The following ADAMTS20 variants were observed in gnomAD, a reference collection of about 807,000 sequenced individuals.
The protein encoded by ADAMTS20 is ADAM metallopeptidase with thrombospondin type 1 motif 20, also known as A disintegrin and metalloproteinase with thrombospondin motifs 20.
Under a neutral mutation model 260.1 loss-of-function variants are expected in ADAMTS20, and 225 were observed. The observed-to-expected ratio is 0.87, with a 90% confidence interval of 0.78 to 0.97. ADAMTS20 has a LOEUF of 0.97. Ranked by LOEUF, ADAMTS20 falls within the 50% of genes least tolerant of loss-of-function variation. ADAMTS20 has a pLI of 0.00. For synonymous variants in ADAMTS20, 802 were observed against 769.5 expected, an observed-to-expected ratio of 1.04 and a Z score of -0.70; for missense variants, 2,400 against 2,337.7, an observed-to-expected ratio of 1.03 and a Z score of -0.55.
At chr12:43,504,068 A>G (rs1350098619) in intron 3 of ADAMTS20, among the ~76,000 whole-genome samples, 2 of 152,102 alleles carry the variant, frequency 1.3e-5, no homozygotes, top group Admixed American at 1.3e-4. Context: ...TCCTTTGGGT[A>G]TATGCCCAAT....
At chr12:43,510,165 G>A (rs568225018) in intron 3 of ADAMTS20, among the ~76,000 whole-genome samples, 1 of 152,054 alleles carries the variant, frequency 6.6e-6, no homozygotes, top group African/African-American at 2.4e-5. Flanking sequence ...AATATAAATG[G>A]TGTGTGTAGT....
chr12:43,398,970 G>T, intron 29 of ADAMTS20, 96 bp downstream of exon 29: 1 of 863,272 alleles, frequency 1.2e-6, no homozygotes, highest in South Asian at 5.5e-5. Context: ...ATAAATTTTA[G>T]AGAAGCAAAA....
chr12:43,521,838 A>T (rs1943076257), intron 3 of ADAMTS20, among the ~76,000 whole-genome samples: 1 of 152,076 alleles, frequency 6.6e-6, no homozygotes, highest in Admixed American at 6.6e-5. Context: ...TGATATAGTA[A>T]ATGGGTTACT....
intron 28 of ADAMTS20, among the ~76,000 whole-genome samples, chr12:43,411,132 T>C (rs1185657208): frequency 6.6e-6 from 1 of 152,210 alleles, no homozygotes; most frequent in Non-Finnish European, 1.5e-5. Context: ...ATTATTGTTG[T>C]TTACTCAGAT....
At chr12:43,530,266 T>A (rs1023889785) in intron 3 of ADAMTS20, among the ~76,000 whole-genome samples, 4 of 152,148 alleles carry the variant, frequency 2.6e-5, no homozygotes, top group African/African-American at 9.7e-5. Context: ...ATTCAGAATA[T>A]TACTTTGTGG....
intron 2 of ADAMTS20, among the ~76,000 whole-genome samples, chr12:43,537,911 C>T (rs1382770853): frequency 1.3e-5 from 2 of 152,168 alleles, no homozygotes; most frequent in African/African-American, 4.8e-5. Flanking sequence ...TTTATCTATT[C>T]ATCTGTTGAT....
chr12:43,360,230 C>T (rs1359074148), intron 37 of ADAMTS20, among the ~76,000 whole-genome samples: 1 of 152,186 alleles, frequency 6.6e-6, no homozygotes, highest in African/African-American at 2.4e-5. Flanking sequence ...GGATGTATCA[C>T]CTGAGGTCAG....
chr12:43,541,899 C>G (rs1257474903), intron 2 of ADAMTS20, among the ~76,000 whole-genome samples: 1 of 152,156 alleles, frequency 6.6e-6, no homozygotes, highest in African/African-American at 2.4e-5. Context: ...AAATACGTTG[C>G]TGGTACCTTA....
chr12:43,470,787 T>C (rs1248730202), intron 7 of ADAMTS20, among the ~76,000 whole-genome samples: 1 of 152,204 alleles, frequency 6.6e-6, no homozygotes, highest in Non-Finnish European at 1.5e-5. Flanking sequence ...ACATTTTGTG[T>C]TTATTATTAA....
intron 23 of ADAMTS20, 26 bp downstream of exon 23, chr12:43,430,326 T>A: frequency 6.3e-7 from 1 of 1,597,620 alleles, no homozygotes; most frequent in Non-Finnish European, 8.5e-7. Context: ...TAAATCTTTT[T>A]GTTTGTAAAC....
chr12:43,520,534 C>G (rs1943056945), intron 3 of ADAMTS20, among the ~76,000 whole-genome samples: 1 of 152,066 alleles, frequency 6.6e-6, no homozygotes, highest in East Asian at 1.9e-4. Context: ...TTAGGATAAG[C>G]TGATGGATAG....
intron 28 of ADAMTS20, among the ~76,000 whole-genome samples, chr12:43,402,742 C>T (rs1006186453): frequency 3.3e-5 from 5 of 151,964 alleles, no homozygotes; most frequent in Admixed American, 2.6e-4. Flanking sequence ...CATTTTATAA[C>T]TCTGACACCA....
rs1441367114 is a variant in ADAMTS20, at chr12:43,395,908, G to A, written c.4452+3158C>T. Among the ~76,000 whole-genome samples, 6 of 151,768 alleles carry A rather than the reference G, an allele frequency of 4.0e-5. No homozygotes were observed. The South Asian group carries it at 1.2e-3, about 32-fold the overall frequency. ...TTCCTAGAGATTGTGCATTTGGATG[G>A]CACTAAAGTAAGTAGATGGGACCTG... On this transcript the variant is annotated intron_variant, in intron 29 of 38. Coordinates refer to ENST00000389420, the MANE Select transcript of ADAMTS20 (RefSeq NM_025003.5).
At chr12:43,520,494 C>T (rs919439358) in intron 3 of ADAMTS20, among the ~76,000 whole-genome samples, 2 of 151,966 alleles carry the variant, frequency 1.3e-5, no homozygotes, top group African/African-American at 4.8e-5. Flanking sequence ...CAAAGTGTGC[C>T]AGTTAAGCCA....
intron 28 of ADAMTS20, chr12:43,423,932 G>A (rs1045171118): frequency 2.8e-6 from 2 of 709,826 alleles, no homozygotes; most frequent in African/African-American, 3.5e-5. Flanking sequence ...CTCCTATAAA[G>A]TTAAAATGTT....
At chr12:43,353,457 T>C (rs1939676176), downstream of ADAMTS20, among the ~76,000 whole-genome samples, 3 of 152,112 alleles carry the variant, frequency 2.0e-5, no homozygotes, top group East Asian at 3.9e-4. Context: ...ATTAACATTA[T>C]AAAAACAATG....
chr12:43,452,564 T>C lies in ADAMTS20; in HGVS notation c.1892A>G (p.Asp631Gly). The C allele has an allele frequency of 6.2e-7, 1 of 1,613,614 alleles. No homozygotes were observed. Among genetic ancestry groups the C allele is most frequent in the Non-Finnish European group, 8.5e-7 (1 of 1,179,708 alleles). Reference sequence around the variant, plus strand: ...CACATTAGAGGGAATGCCACTGATGTCCAAATGTTTACCATTAAAATCAGA... The same window carrying C: ...CACATTAGAGGGAATGCCACTGATGCCCAAATGTTTACCATTAAAATCAGA... ...QCSDFNGKHL[D>G]ISGIPSNVRW... is the part of the protein sequence containing the mutation. Residue 631 changes from aspartate (D) to glycine (G), a missense_variant, in exon 13 of 39, where the codon GAC becomes GGC. Asp to Gly is a moderately conservative substitution (Grantham distance 94). Coordinates refer to ENST00000389420, the MANE Select transcript of ADAMTS20 (RefSeq NM_025003.5).
chr12:43,431,264 T>C, intron 22 of ADAMTS20, 68 bp downstream of exon 22: 2 of 1,512,272 alleles, frequency 1.3e-6, no homozygotes, highest in Non-Finnish European at 1.8e-6. Context: ...GAGGAGTAAA[T>C]ATAACACAAC....
At chr12:43,354,489 A>G (rs1939702601) in intron 38 of ADAMTS20, among the ~76,000 whole-genome samples, 191 bp from the exon 39 acceptor site, 1 of 152,180 alleles carries the variant, frequency 6.6e-6, no homozygotes, top group Non-Finnish European at 1.5e-5. Flanking sequence ...TGGGAAAGTT[A>G]AAGGATATTA....
Sources: allele counts gnomAD v4.1 joint callset (sites outside exome capture counted in the v4.1 genomes callset), GRCh38; gene constraint gnomAD v4.1.1; transcripts MANE v1.5; gene names NCBI Gene and HGNC (gene_info 2026-07-23, HGNC 2026-07-21).